The following MVB12B variants were observed in gnomAD, a reference collection of about 807,000 sequenced individuals.
The protein encoded by MVB12B is multivesicular body subunit 12B.
In MVB12B, 16 loss-of-function variants were observed where a neutral mutation model predicts 41.6. The ratio of observed to expected loss-of-function variants is 0.38; its 90% CI spans 0.26 to 0.58. The LOEUF (loss-of-function observed/expected upper bound fraction) is 0.58. MVB12B is among the 20% of genes least tolerant of loss of function. MVB12B has a pLI of 0.62. For missense variants in MVB12B, 274 were observed against 380.2 expected (o/e 0.72, Z 2.32); for synonymous variants, 133 against 139.7 (o/e 0.95, Z 0.34).
chr9:126,474,390 A>G (rs1329926517), intron 7 of MVB12B, among the ~76,000 whole-genome samples: 1 of 152,256 alleles, frequency 6.6e-6, no homozygotes, highest in Non-Finnish European at 1.5e-5. Context: ...GAGATGATTC[A>G]TGAACATTCT....
intron 2 of MVB12B, among the ~76,000 whole-genome samples, chr9:126,366,615 T>G (rs1459152041): frequency 6.6e-6 from 1 of 152,220 alleles, no homozygotes; most frequent in East Asian, 1.9e-4. Flanking sequence ...TCATCGGATA[T>G]TCTTCTATAG....
chr9:126,345,564 CA>C (rs1234766496), intron 2 of MVB12B, among the ~76,000 whole-genome samples: 1 of 152,256 alleles, frequency 6.6e-6, no homozygotes, highest in Non-Finnish European at 1.5e-5. Flanking sequence ...TGATAATAAG[CA>C]TAGGTTTCAG....
In MVB12B at chr9:126,468,606, A is replaced by T. The variant is rs1833247075; in HGVS notation, c.758-12763A>T. Among the ~76,000 whole-genome samples the T allele has an allele frequency of 1.3e-5, 2 of 152,096 alleles. No individual in the cohort carries two copies. The highest frequency in any genetic ancestry group is 4.2e-4 in the South Asian group (2 of 4,812). On this transcript the variant is annotated intron_variant, in intron 7 of 9. Coordinates refer to ENST00000361171, the MANE Select transcript of MVB12B (RefSeq NM_033446.3). This position sits in a 1 kb window ranked among gnomAD's most constrained non-coding sequence, Gnocchi z 4.3. ...GGCCTTCCCCAGCCACTCCATTCTT[A>T]CTGCCACTGCCCTCATCCGGGCCAC...
chr9:126,394,384 C>CAG, intron 5 of MVB12B, among the ~76,000 whole-genome samples: 1 of 152,148 alleles, frequency 6.6e-6, no homozygotes, highest in South Asian at 2.1e-4. Flanking sequence ...CAGTATGTAC[C>CAG]TTGATAAAAC....
In MVB12B at chr9:126,473,532, A is replaced by G. The variant is rs1248961729; in HGVS notation, c.758-7837A>G. ...CTGGGGAGCCCTCAGGAAGCTTCCA[A>G]TCATAGTGGAGGCAAATCCAGAACA... On this transcript the variant is annotated intron_variant, in intron 7 of 9. Transcript: ENST00000361171. This position sits in a 1 kb window ranked among gnomAD's most constrained non-coding sequence, Gnocchi z 4.0. 2.0e-5 allele frequency among the ~76,000 whole-genome samples: 3 copies of G among 152,206 alleles called. No homozygotes were observed. Among genetic ancestry groups the G allele is most frequent in the Admixed American group, 6.5e-5 (1 of 15,284 alleles).
intron 7 of MVB12B, among the ~76,000 whole-genome samples, chr9:126,455,417 A>G (rs954171972): frequency 6.6e-6 from 1 of 152,044 alleles, no homozygotes; most frequent in South Asian, 2.1e-4. Flanking sequence ...CGATCGATTT[A>G]CCTCGTGATC....
chr9:126,487,973 G>A (rs963705852), intron 9 of MVB12B, among the ~76,000 whole-genome samples: 2 of 152,182 alleles, frequency 1.3e-5, no homozygotes, highest in Non-Finnish European at 2.9e-5. Context: ...CCATTGGCAT[G>A]CACAGCCATT....
intron 9 of MVB12B, among the ~76,000 whole-genome samples, chr9:126,490,354 G>C (rs1162634684): frequency 6.6e-6 from 1 of 152,150 alleles, no homozygotes; most frequent in African/African-American, 2.4e-5. Context: ...TTGGGTGTAG[G>C]TTTCATGCTG....
chr9:126,343,593 C>G (rs1383553870), intron 2 of MVB12B, among the ~76,000 whole-genome samples: 1 of 152,158 alleles, frequency 6.6e-6, no homozygotes, highest in African/African-American at 2.4e-5. Context: ...CACATTTTAC[C>G]TTTCACCCAC....
At chr9:126,442,353 C>T (rs953924585) in intron 7 of MVB12B, among the ~76,000 whole-genome samples, 1 of 152,148 alleles carries the variant, frequency 6.6e-6, no homozygotes, top group African/African-American at 2.4e-5. Context: ...GCCATGTACT[C>T]ATGGTGGGGT....
At chr9:126,379,798 G>T (rs1296623317) in intron 2 of MVB12B, among the ~76,000 whole-genome samples, 1 of 152,196 alleles carries the variant, frequency 6.6e-6, no homozygotes, top group Non-Finnish European at 1.5e-5. Flanking sequence ...TGGGGTCCTG[G>T]CTCCCGCCTC....
chr9:126,440,973 G>A (rs1832622625), intron 7 of MVB12B, among the ~76,000 whole-genome samples: 1 of 152,212 alleles, frequency 6.6e-6, no homozygotes, highest in Non-Finnish European at 1.5e-5. Flanking sequence ...TGCGGAATTG[G>A]TGGATTGGTT....
At chr9:126,464,165 T>A (rs1306397469) in intron 7 of MVB12B, among the ~76,000 whole-genome samples, 2 of 152,090 alleles carry the variant, frequency 1.3e-5, no homozygotes, top group African/African-American at 4.8e-5. Flanking sequence ...GGGGAAGACA[T>A]CCAGGCAGAT....
chr9:126,469,134 C>A (rs988471645), intron 7 of MVB12B, among the ~76,000 whole-genome samples: 2 of 152,152 alleles, frequency 1.3e-5, no homozygotes, highest in African/African-American at 2.4e-5. Flanking sequence ...TATGATGGCA[C>A]CACTGCACTT....
intron 7 of MVB12B, among the ~76,000 whole-genome samples, chr9:126,440,427 G>A (rs559034537): frequency 2.6e-5 from 4 of 152,336 alleles, no homozygotes; most frequent in East Asian, 1.9e-4. Flanking sequence ...GCATCGTTAC[G>A]TGAAACAGCT....
chr9:126,355,504 A>G (rs963628320), intron 2 of MVB12B, among the ~76,000 whole-genome samples: 12 of 152,260 alleles, frequency 7.9e-5, no homozygotes, highest in African/African-American at 2.7e-4. Flanking sequence ...TTCTGCTTAA[A>G]TTTAAAGTAC....
intron 2 of MVB12B, among the ~76,000 whole-genome samples, chr9:126,373,625 A>C (rs1340438427): frequency 6.6e-6 from 1 of 152,180 alleles, no homozygotes; most frequent in Non-Finnish European, 1.5e-5. Flanking sequence ...TTGTCTTTTG[A>C]GAGTTTCTCT....
chr9:126,397,385 G>C (rs144237703), intron 6 of MVB12B: 3 of 985,294 alleles, frequency 3.0e-6, no homozygotes, highest in African/African-American at 1.7e-5. Context: ...CAGCCTGGTG[G>C]GTTTGGAGGG....
At chr9:126,461,406 T>G (rs1219278871) in intron 7 of MVB12B, among the ~76,000 whole-genome samples, 1 of 152,240 alleles carries the variant, frequency 6.6e-6, no homozygotes, top group Non-Finnish European at 1.5e-5. Flanking sequence ...AAGTCTCTTT[T>G]AAGCAGATGT....
Sources: gnomAD v4.1 joint callset for allele counts (sites outside exome capture counted in the v4.1 genomes callset) on GRCh38, gnomAD v4.1.1 for gene constraint, Gnocchi (gnomAD v3.1) non-coding constraint, MANE v1.5 for transcripts, NCBI Gene and HGNC (gene_info 2026-07-23, HGNC 2026-07-21) for gene names.